SAMD12: variants seen among roughly 807,000 people sequenced by gnomAD.
The protein encoded by SAMD12 is sterile alpha motif domain containing 12.
In SAMD12, 9 loss-of-function variants were observed where a neutral mutation model predicts 15.0. The ratio of observed to expected loss-of-function variants is 0.60; its 90% CI spans 0.36 to 1.05. The LOEUF (loss-of-function observed/expected upper bound fraction) is 1.05. Ranked by LOEUF, SAMD12 falls within the 50% of genes least tolerant of loss-of-function variation. The probability of loss-of-function intolerance (pLI) is 0.01; values close to 1 mark genes in which losing one functional copy is unlikely to be tolerated. For missense variants in SAMD12, 230 were observed against 234.2 expected, an observed-to-expected ratio of 0.98 and a Z score of 0.12; for synonymous variants, 86 against 90.1, an observed-to-expected ratio of 0.96 and a Z score of 0.25.
intron 2 of SAMD12, among the ~76,000 whole-genome samples, chr8:118,557,184 C>G (rs1242980187): frequency 6.6e-6 from 1 of 152,062 alleles, no homozygotes; most frequent in African/African-American, 2.4e-5. Flanking sequence ...GCTTTTCCCC[C>G]CATGCTGTTC....
chr8:118,175,206 C>T, the SAMD12 span, among the ~76,000 whole-genome samples: 7 of 152,256 alleles, frequency 4.6e-5, no homozygotes, highest in Admixed American at 1.3e-4. Flanking sequence ...ACCATCTGAT[C>T]TTCAACAAAG....
intron 1 of SAMD12, among the ~76,000 whole-genome samples, chr8:118,592,808 C>T (rs1206354693): frequency 6.6e-6 from 1 of 152,154 alleles, no homozygotes; most frequent in Non-Finnish European, 1.5e-5. Context: ...TTACAAAGGT[C>T]AGACACAGGC....
downstream of SAMD12, among the ~76,000 whole-genome samples, chr8:118,187,567 T>G (rs962272864): frequency 6.6e-6 from 1 of 152,188 alleles, no homozygotes; most frequent in Non-Finnish European, 1.5e-5. Flanking sequence ...AAAAATTATT[T>G]TGGTGGTCTC....
chr8:118,495,266 T>C (rs4077411), intron 2 of SAMD12, among the ~76,000 whole-genome samples: 9,961 of 152,176 alleles, frequency 0.065, 654 homozygotes, highest in African/African-American at 0.16. Flanking sequence ...CTGACTTGAA[T>C]CTTGGACATT....
intron 2 of SAMD12, among the ~76,000 whole-genome samples, chr8:118,476,979 T>C (rs576597753): frequency 6.6e-6 from 1 of 152,226 alleles, no homozygotes; most frequent in South Asian, 2.1e-4. Context: ...CATCACTTCC[T>C]GTACCTGCGT....
intron 2 of SAMD12, among the ~76,000 whole-genome samples, chr8:118,486,416 A>G (rs1425910035): frequency 8.3e-6 from 1 of 120,440 alleles, no homozygotes; most frequent in Non-Finnish European, 1.7e-5. Flanking sequence ...AATCCGTCTA[A>G]AAAAAAAAAA....
At chr8:118,158,810 G>C in the SAMD12 span, among the ~76,000 whole-genome samples, 1 of 152,130 alleles carries the variant, frequency 6.6e-6, no homozygotes, top group Non-Finnish European at 1.5e-5. Flanking sequence ...CTTACCTGTG[G>C]AGAGGAGCTA....
At chr8:118,498,566 G>T (rs920375219) in intron 2 of SAMD12, among the ~76,000 whole-genome samples, 1 of 152,134 alleles carries the variant, frequency 6.6e-6, no homozygotes, top group Non-Finnish European at 1.5e-5. Context: ...TATGACGCTA[G>T]CTGTTTAATA....
intron 3 of SAMD12, among the ~76,000 whole-genome samples, chr8:118,392,540 A>G (rs1025564246): frequency 6.6e-6 from 1 of 152,262 alleles, no homozygotes; most frequent in Non-Finnish European, 1.5e-5. Flanking sequence ...GGAGCTGTGT[A>G]GCTCACTCCA....
At chr8:118,377,420 A>AAACCAG (rs1240036857), downstream of SAMD12, among the ~76,000 whole-genome samples, 10 of 152,244 alleles carry the variant, frequency 6.6e-5, no homozygotes, top group Admixed American at 1.3e-4. Context: ...ACCAAAACCA[A>AAACCAG]AAACCTATGT....
chr8:118,532,835 C>G (rs1168255835), intron 2 of SAMD12, among the ~76,000 whole-genome samples: 1 of 151,816 alleles, frequency 6.6e-6, no homozygotes, highest in Non-Finnish European at 1.5e-5. Flanking sequence ...CTCTTTTTTT[C>G]TTTACTAGTC....
intron 4 of SAMD12, among the ~76,000 whole-genome samples, chr8:118,240,234 A>G (rs1404347294): frequency 6.6e-6 from 1 of 152,148 alleles, no homozygotes; most frequent in East Asian, 1.9e-4. Context: ...AGATGACTGC[A>G]GCCCTGATTG....
chr8:118,421,316 T>C (rs140368374), intron 3 of SAMD12, among the ~76,000 whole-genome samples: 3 of 152,252 alleles, frequency 2.0e-5, no homozygotes, highest in Non-Finnish European at 4.4e-5. Context: ...TCTGATTTCA[T>C]GGCAAATCTA....
the SAMD12 span, among the ~76,000 whole-genome samples, chr8:118,171,607 A>C: frequency 3.9e-5 from 6 of 152,194 alleles, no homozygotes; most frequent in African/African-American, 1.4e-4. Context: ...GTGTGATTGC[A>C]TTCATATGAA....
At chr8:118,323,166 C>T (rs1232147416) in intron 4 of SAMD12, among the ~76,000 whole-genome samples, 2 of 152,156 alleles carry the variant, frequency 1.3e-5, no homozygotes, top group South Asian at 2.1e-4. Context: ...ACCCACTGAC[C>T]TGCAGCCTTT....
intron 3 of SAMD12, among the ~76,000 whole-genome samples, chr8:118,418,757 A>C (rs1821850355): frequency 6.6e-6 from 1 of 152,188 alleles, no homozygotes; most frequent in South Asian, 2.1e-4. Flanking sequence ...TCTTAAATAA[A>C]AAGCAGAAGA....
Position 118,599,507 on chromosome 8 carries a change from C to G in SAMD12, c.14-18614G>C, listed in dbSNP as rs565792286. On this transcript the variant is annotated intron_variant, in intron 1 of 3. Transcript: ENST00000314727. ...CCCAGGTGCGGAGCGCTGCTGGTACCGCTTCTGTCAAAAGGCTCCCGCTCG... is the reference window on the plus strand; with the variant it reads ...CCCAGGTGCGGAGCGCTGCTGGTACGGCTTCTGTCAAAAGGCTCCCGCTCG... 3.3e-5 allele frequency among the ~76,000 whole-genome samples: 5 copies of G among 152,256 alleles called. No individual in the cohort carries two copies. The East Asian group carries it at 9.7e-4, about 29-fold the overall frequency.
chr8:118,227,424 T>A (rs991759598), intron 4 of SAMD12, among the ~76,000 whole-genome samples: 1 of 152,020 alleles, frequency 6.6e-6, no homozygotes, highest in Non-Finnish European at 1.5e-5. Context: ...GTACTAGGCT[T>A]AGTACCTAGA....
At chr8:118,237,776 A>G (rs1812468627) in intron 4 of SAMD12, among the ~76,000 whole-genome samples, 1 of 152,168 alleles carries the variant, frequency 6.6e-6, no homozygotes, top group Admixed American at 6.5e-5. Flanking sequence ...AAATGTAAAC[A>G]TTAAAAAAAT....
Sources: gnomAD v4.1 joint callset for allele counts (sites outside exome capture counted in the v4.1 genomes callset) on GRCh38, gnomAD v4.1.1 for gene constraint, MANE v1.5 for transcripts, NCBI Gene and HGNC (gene_info 2026-07-23, HGNC 2026-07-21) for gene names.